The following EML5 variants were observed in gnomAD, a reference collection of about 807,000 sequenced individuals.
EML5 encodes EMAP like 5.
Under a neutral mutation model 250.0 loss-of-function variants are expected in EML5, and 120 were observed. That is an observed-to-expected ratio of 0.48 (90% CI 0.41 to 0.56). EML5 has a LOEUF of 0.56. Among genes scored for constraint, EML5 ranks in the 20% least tolerant of loss-of-function variants. EML5 has a pLI of 0.00. For missense variants in EML5, 2,006 were observed against 2,437.6 expected, an observed-to-expected ratio of 0.82 and a Z score of 3.73; for synonymous variants, 771 against 806.5, an observed-to-expected ratio of 0.96 and a Z score of 0.75.
At chr14:88,741,334 T>A (rs2093922612) in intron 4 of EML5, among the ~76,000 whole-genome samples, 3 of 152,158 alleles carry the variant, frequency 2.0e-5, no homozygotes, top group Admixed American at 2.0e-4. Flanking sequence ...TAACTGCAGC[T>A]CACTGTAACT....
rs924865386 is a variant in EML5, at chr14:88,739,086, C to G, written c.712-72G>C. 4.1e-5 allele frequency: 56 copies of G among 1,376,968 alleles called. 1 individual carries two copies. The East Asian group carries it at 1.2e-3, about 30-fold the overall frequency. The allele number at this position is 1,376,968 out of a possible 1,614,324, so 85.3% of individuals were successfully genotyped here. A position where few individuals can be genotyped will look rare whatever the true frequency, so the allele number is the denominator to read the frequency against. On this transcript the variant is annotated intron_variant, in intron 5 of 43. Transcript: ENST00000554922. ...CATCTACTATATGAAGGTAGAAACC[C>G]TTTTAAACCAATTTAACAATATTTT...
At position 88,714,399 on chromosome 14, in the gene EML5, G is replaced by A. The variant is rs534214900; in HGVS notation, c.1444+540C>T. On this transcript the variant is annotated intron_variant, in intron 9 of 43. Transcript: ENST00000554922. ...GACTGGGAGAGGTAGAGGTTGGTGGGGGCCGGGGTGGATATAAGGAGATAT... is the reference window on the plus strand; with the variant it reads ...GACTGGGAGAGGTAGAGGTTGGTGGAGGCCGGGGTGGATATAAGGAGATAT... 2.0e-5 allele frequency among the ~76,000 whole-genome samples: 3 copies of A among 152,206 alleles called. No individual in the cohort carries two copies. The East Asian group carries it at 5.8e-4, about 29-fold the overall frequency.
At chr14:88,660,236 T>C (rs1347882530) in intron 25 of EML5, among the ~76,000 whole-genome samples, 4 of 151,058 alleles carry the variant, frequency 2.6e-5, no homozygotes, top group South Asian at 2.1e-4. Flanking sequence ...TGAGCCATGA[T>C]TGCGCCATTG....
intron 1 of EML5, among the ~76,000 whole-genome samples, chr14:88,768,053 A>G (rs1000462346): frequency 3.0e-4 from 46 of 152,262 alleles, no homozygotes; most frequent in African/African-American, 8.7e-4. Context: ...AATACTAACC[A>G]GTTATTTTAG....
rs142521040 is a variant in EML5 at position 88,777,646 on chromosome 14, C to T, written c.197+14661G>A. Among the ~76,000 whole-genome samples the T allele has an allele frequency of 1.5e-3, 235 of 152,204 alleles. 1 individual carries two copies. Among genetic ancestry groups the T allele is most frequent in the Non-Finnish European group, 1.9e-3 (130 of 68,004 alleles). On this transcript the variant is annotated intron_variant, in intron 1 of 43. Transcript: ENST00000554922. ...AACTACAACAACTTTTTAAGACATA[C>T]GCAGTACAATAAGATAGAAATAACA... is the stretch of plus-strand genomic sequence containing the variant.
intron 27 of EML5, among the ~76,000 whole-genome samples, chr14:88,650,719 G>GCCT (rs2091579397): frequency 6.6e-6 from 1 of 152,010 alleles, no homozygotes; most frequent in South Asian, 2.1e-4. Context: ...GCTCACTGCA[G>GCCT]CCTCCAACTC....
intron 19 of EML5, among the ~76,000 whole-genome samples, chr14:88,686,402 TAATAATAATAAC>T (rs1271192015): frequency 2.6e-5 from 4 of 151,394 alleles, no homozygotes; most frequent in Admixed American, 6.6e-5. Context: ...CAAGGTATAA[TAATAATAATAAC>T]AATAATAATA....
At chr14:88,745,929 A>G (rs1448468291) in intron 3 of EML5, among the ~76,000 whole-genome samples, 1 of 152,134 alleles carries the variant, frequency 6.6e-6, no homozygotes, top group Non-Finnish European at 1.5e-5. Flanking sequence ...CCAGAACTTA[A>G]AAGTATAATA....
Position 88,754,657 on chromosome 14 carries a change from G to A in EML5, c.212C>T (p.Pro71Leu), listed in dbSNP as rs2094138244. 6.2e-7 allele frequency: 1 copy of A among 1,609,536 alleles called. No individual in the cohort carries two copies. The highest frequency in any genetic ancestry group is 1.7e-5 in the Admixed American group (1 of 59,228). The change falls in exon 2 of 44, where the codon CCT (proline) becomes CTT (leucine). Residue 71 changes from proline (P) to leucine (L), a missense_variant. Around this residue, in one of 7 missense-constraint regions of EML5, gnomAD observed 162 missense variants for 212.2 expected, o/e 0.76. Transcript: ENST00000554922. ...SDDIISLALH[P>L]ERVLVATGQV... is the part of the protein sequence containing the mutation. ...TCCTGTTGCTACCAACACTCGTTCA[G>A]GATGCAATGCAAGGCTGTAAAATAA...
chr14:88,779,127 G>A (rs1376278620), intron 1 of EML5, among the ~76,000 whole-genome samples: 1 of 152,076 alleles, frequency 6.6e-6, no homozygotes, highest in Admixed American at 6.6e-5. Context: ...GAACCCTTAG[G>A]GAAACTAATT....
At chr14:88,687,379 T>C in intron 18 of EML5, 52 bp from the exon 19 acceptor site, 1 of 1,286,216 alleles carries the variant, frequency 7.8e-7, no homozygotes, top group Non-Finnish European at 1.1e-6. Context: ...TTTTTTAAAA[T>C]AGTAACCTTT....
chr14:88,785,584 T>A (rs1379938062), intron 1 of EML5, among the ~76,000 whole-genome samples: 1 of 152,224 alleles, frequency 6.6e-6, no homozygotes, highest in Non-Finnish European at 1.5e-5. Flanking sequence ...AGCCAGCAAC[T>A]CCATTCTTCC....
chr14:88,764,410 A>G (rs2094292906), intron 1 of EML5, among the ~76,000 whole-genome samples: 1 of 152,212 alleles, frequency 6.6e-6, no homozygotes, highest in Non-Finnish European at 1.5e-5. Flanking sequence ...AGTTGTTTAT[A>G]GTAATCCCTT....
chr14:88,644,535 G>A (rs1297785024), intron 29 of EML5, 24 bp from the exon 30 acceptor site: 9 of 1,610,526 alleles, frequency 5.6e-6, no homozygotes, highest in Non-Finnish European at 7.6e-6. Flanking sequence ...GTGGGGAGGA[G>A]GAAAGGCATG....
At chr14:88,787,083 C>T (rs1295425020) in intron 1 of EML5, among the ~76,000 whole-genome samples, 1 of 152,180 alleles carries the variant, frequency 6.6e-6, no homozygotes, top group Non-Finnish European at 1.5e-5. Context: ...TCTCTCATAA[C>T]ACAAAACCAC....
intron 4 of EML5, among the ~76,000 whole-genome samples, chr14:88,742,507 T>C (rs1039854427): frequency 1.3e-5 from 2 of 152,190 alleles, no homozygotes; most frequent in Non-Finnish European, 2.9e-5. Context: ...TAACTCATTA[T>C]AAAAATATAG....
chr14:88,644,756 G>A lies in EML5; in HGVS notation c.4029-245C>T, dbSNP rs1401315679. ...GACGGAGTCTCACTCTGTCGCCCAT[G>A]CTGGAGTGCAGTGGTGCAATCTTGG... On this transcript the variant is annotated intron_variant, in intron 29 of 43. Coordinates refer to ENST00000554922, the MANE Select transcript of EML5 (RefSeq NM_183387.3). 1.5e-5 allele frequency: 5 copies of A among 329,814 alleles called. No individual in the cohort carries two copies. In the Admixed American group the frequency reaches 1.8e-4, roughly 12 times the overall value. The allele number at this position is 329,814 out of a possible 1,614,324, so 20.4% of individuals were successfully genotyped here.
Position 88,614,723 on chromosome 14 carries a change from G to A in EML5, c.*1095C>T, listed in dbSNP as rs1223290434. The A allele has an allele frequency of 6.6e-6, 1 of 152,124 alleles. No homozygotes were observed. The highest frequency in any genetic ancestry group is 1.5e-5 in the Non-Finnish European group (1 of 67,996). 9.4% of individuals were successfully genotyped at this position (152,124 alleles called of 1,614,324 possible). ...AGTGATCTTTGGCAGCATTTAAAGT[G>A]AAAAGAAATAAGGATCTAAGAATTC... On this transcript the variant is annotated 3_prime_UTR_variant, in exon 44 of 44. Transcript: ENST00000554922.
At chr14:88,668,110 G>T (rs2092355553) in intron 21 of EML5, among the ~76,000 whole-genome samples, 1 of 152,218 alleles carries the variant, frequency 6.6e-6, no homozygotes, top group Non-Finnish European at 1.5e-5. Context: ...TAGTACTAGG[G>T]TTGCTGCTTT....
Sources: gnomAD v4.1 joint callset for allele counts (sites outside exome capture counted in the v4.1 genomes callset) on GRCh38, gnomAD v4.1.1 for gene constraint, gnomAD v4.1.1 regional missense constraint, MANE v1.5 for transcripts, NCBI Gene and HGNC (gene_info 2026-07-23, HGNC 2026-07-21) for gene names.